Variants in RDX observed in about 807,000 individuals in gnomAD.
The protein encoded by RDX is deafness, autosomal recessive 24.
RDX carries 32 observed loss-of-function variants against 83.7 expected under a neutral mutation model. The ratio of observed to expected loss-of-function variants is 0.38; its 90% CI spans 0.29 to 0.51. RDX has a LOEUF of 0.51. RDX is among the 20% of genes least tolerant of loss of function. The pLI is 0.87. For missense variants in RDX, 600 were observed against 689.9 expected (o/e 0.87, Z 1.46); for synonymous variants, 229 against 222.7 (o/e 1.03, Z -0.25).
intron 14 of RDX, among the ~76,000 whole-genome samples, chr11:110,203,412 G>GT (rs1863485402): frequency 3.7e-5 from 4 of 106,878 alleles, no homozygotes; most frequent in Admixed American, 9.1e-5. Context: ...TTGTTAATGG[G>GT]TAAAAAAAAA....
intron 1 of RDX, among the ~76,000 whole-genome samples, chr11:110,283,622 G>T (rs569694919): frequency 5.3e-5 from 8 of 152,098 alleles, no homozygotes; most frequent in Non-Finnish European, 1.0e-4. Context: ...CACTTTGAGA[G>T]CCTGAGACAG....
At chr11:110,248,351 A>C (rs1290569201) in intron 9 of RDX, among the ~76,000 whole-genome samples, 2 of 152,220 alleles carry the variant, frequency 1.3e-5, no homozygotes, top group Non-Finnish European at 2.9e-5. Flanking sequence ...TTGTGTTCAA[A>C]ATAGCATATG....
rs192201692 is a variant in RDX at position 110,199,806 on chromosome 11, G to A, written c.1749-128C>T. On this transcript the variant is annotated intron_variant, in intron 14 of 15. Coordinates refer to the RDX transcript ENST00000528498. The stretch of plus-strand genomic sequence containing the variant: ...GGGCGCTCTTGTCAGCCTGGATTAT[G>A]TAGGGCCTGTTATTGTCAAACTGTC... 1.0e-3 allele frequency: 693 copies of A among 675,590 alleles called. 1 individual carries two copies. Among genetic ancestry groups the A allele is most frequent in the Non-Finnish European group, 6.2e-4 (228 of 367,394 alleles). The allele number at this position is 675,590 out of a possible 1,614,324, so 41.8% of individuals were successfully genotyped here.
At chr11:110,266,243 G>A (rs916541559) in intron 3 of RDX, among the ~76,000 whole-genome samples, 1 of 151,930 alleles carries the variant, frequency 6.6e-6, no homozygotes, top group African/African-American at 2.4e-5. Flanking sequence ...AGAAGCAGGA[G>A]AATGGCGTGA....
intron 14 of RDX, among the ~76,000 whole-genome samples, chr11:110,219,487 C>A (rs1364443145): frequency 1.3e-5 from 2 of 152,146 alleles, no homozygotes. Context: ...AACAGGAAAT[C>A]AAGAAAACAG....
chr11:110,248,844 T>C (rs1184700163), intron 9 of RDX, among the ~76,000 whole-genome samples: 1 of 152,212 alleles, frequency 6.6e-6, no homozygotes, highest in Non-Finnish European at 1.5e-5. Context: ...CCAAGTTTAA[T>C]TTCTTGGGTA....
intron 14 of RDX, among the ~76,000 whole-genome samples, chr11:110,215,992 T>C (rs1379400803): frequency 2.0e-5 from 3 of 152,172 alleles, no homozygotes; most frequent in Non-Finnish European, 4.4e-5. Flanking sequence ...GACACTTCCA[T>C]CCCTGCACCT....
chr11:110,257,107 C>A, intron 7 of RDX, among the ~76,000 whole-genome samples: 1 of 151,062 alleles, frequency 6.6e-6, no homozygotes, highest in Admixed American at 6.6e-5. Flanking sequence ...AATATACCGT[C>A]TCTATATAGT....
At chr11:110,218,393 T>G (rs1864133682) in intron 14 of RDX, among the ~76,000 whole-genome samples, 1 of 152,232 alleles carries the variant, frequency 6.6e-6, no homozygotes, top group Admixed American at 6.5e-5. Flanking sequence ...GGTGGTCACA[T>G]GCAGTCACCT....
intron 1 of RDX, among the ~76,000 whole-genome samples, chr11:110,282,191 A>G (rs907508630): frequency 6.6e-6 from 1 of 152,214 alleles, no homozygotes; most frequent in African/African-American, 2.4e-5. Context: ...TCACACATAT[A>G]TAAGACATGT....
intron 10 of RDX, among the ~76,000 whole-genome samples, chr11:110,242,543 A>T (rs1297450831): frequency 6.6e-6 from 1 of 152,076 alleles, no homozygotes; most frequent in Non-Finnish European, 1.5e-5. Context: ...AAAAAGAGAA[A>T]TAAGTCTGGG....
intron 15 of RDX, among the ~76,000 whole-genome samples, chr11:110,175,580 G>A (rs1160007289): frequency 6.6e-6 from 1 of 152,244 alleles, no homozygotes; most frequent in Admixed American, 6.5e-5. Context: ...GGGTGGGTGG[G>A]TGTCAGTGCA....
chr11:110,288,035 G>C (rs900334120), intron 1 of RDX, among the ~76,000 whole-genome samples: 6 of 152,168 alleles, frequency 3.9e-5, no homozygotes, highest in Non-Finnish European at 8.8e-5. Flanking sequence ...GATGTTTTAA[G>C]TGCACATTAA....
intron 3 of RDX, among the ~76,000 whole-genome samples, chr11:110,270,571 A>C (rs956229199): frequency 6.6e-6 from 1 of 152,216 alleles, no homozygotes; most frequent in Non-Finnish European, 1.5e-5. Flanking sequence ...TTTAACTCTC[A>C]CAATAAACCT....
At chr11:110,217,872 T>C (rs1864111486) in intron 14 of RDX, among the ~76,000 whole-genome samples, 1 of 151,474 alleles carries the variant, frequency 6.6e-6, no homozygotes, top group Admixed American at 6.6e-5. Flanking sequence ...CTCGTCTCAT[T>C]GTCATAATTA....
At chr11:110,211,045 G>A (rs1203274441) in intron 14 of RDX, among the ~76,000 whole-genome samples, 1 of 152,118 alleles carries the variant, frequency 6.6e-6, no homozygotes, top group African/African-American at 2.4e-5. Context: ...ACACAGACTG[G>A]CAAATTGGAT....
intron 1 of RDX, among the ~76,000 whole-genome samples, chr11:110,289,975 A>AAAAAAAAAAAAC (rs1861162319): frequency 6.7e-6 from 1 of 148,608 alleles, no homozygotes; most frequent in Admixed American, 6.8e-5. Flanking sequence ...AAAAAAAAAA[A>AAAAAAAAAAAAC]AAAAAAACAA....
chr11:110,180,579 C>G (rs114584215), intron 15 of RDX, among the ~76,000 whole-genome samples: 1,762 of 152,282 alleles, frequency 0.012, 40 homozygotes, highest in African/African-American at 0.04. Flanking sequence ...TCTAGTTCTG[C>G]TCTGTAGGGC....
intron 1 of RDX, among the ~76,000 whole-genome samples, chr11:110,281,529 G>T (rs951594689): frequency 6.6e-6 from 1 of 152,128 alleles, no homozygotes; most frequent in Non-Finnish European, 1.5e-5. Flanking sequence ...GTTTCATCAT[G>T]TTGGCCAGGC....
Sources: allele counts gnomAD v4.1 joint callset (sites outside exome capture counted in the v4.1 genomes callset), GRCh38; gene constraint gnomAD v4.1.1; transcripts MANE v1.5; gene names NCBI Gene and HGNC (gene_info 2026-07-23, HGNC 2026-07-21).